AEBP2: variants seen among roughly 807,000 people sequenced by gnomAD.
AEBP2 encodes the protein AE binding protein 2, also known as zinc finger protein AEBP2.
A neutral mutation model predicts 50.8 loss-of-function variants in AEBP2; 10 were observed. The ratio of observed to expected loss-of-function variants is 0.20; its 90% CI spans 0.12 to 0.33. The LOEUF is 0.33. Among genes scored for constraint, AEBP2 ranks in the 10% least tolerant of loss-of-function variants. The pLI, the probability that AEBP2 is intolerant of heterozygous loss-of-function variation, is 1.00. For missense variants in AEBP2, 570 were observed against 688.0 expected, an observed-to-expected ratio of 0.83 and a Z score of 1.92; for synonymous variants, 296 against 261.3, an observed-to-expected ratio of 1.13 and a Z score of -1.28.
chr12:19,485,258 G>A (rs1948789720), intron 3 of AEBP2, among the ~76,000 whole-genome samples: 1 of 152,076 alleles, frequency 6.6e-6, no homozygotes, highest in South Asian at 2.1e-4. Context: ...TATTGGAGAG[G>A]GGAAAGAAAT....
At chr12:19,405,917 T>TCAG (rs1429650300) in intron 1 of AEBP2, among the ~76,000 whole-genome samples, 1 of 151,414 alleles carries the variant, frequency 6.6e-6, no homozygotes, top group Non-Finnish European at 1.5e-5. Flanking sequence ...TTCTCCTGTG[T>TCAG]CAGCCTCCGG....
intron 1 of AEBP2, among the ~76,000 whole-genome samples, chr12:19,426,007 G>A (rs2095748348): frequency 6.6e-6 from 1 of 151,998 alleles, no homozygotes; most frequent in African/African-American, 2.4e-5. Flanking sequence ...CACCATCATG[G>A]CTCACTGCAA....
intron 1 of AEBP2, among the ~76,000 whole-genome samples, chr12:19,446,228 G>A (rs995810459): frequency 6.6e-6 from 1 of 152,100 alleles, no homozygotes; most frequent in African/African-American, 2.4e-5. Context: ...GAAACATGAC[G>A]GTATCTCCTC....
chr12:19,494,627 GTC>G, intron 4 of AEBP2, among the ~76,000 whole-genome samples: 1 of 150,830 alleles, frequency 6.6e-6, no homozygotes, highest in Admixed American at 6.7e-5. Context: ...GTGATTGCCT[GTC>G]TCGGCCTCCC....
chr12:19,454,909 C>T (rs1948240205), intron 1 of AEBP2, among the ~76,000 whole-genome samples: 1 of 152,150 alleles, frequency 6.6e-6, no homozygotes, highest in African/African-American at 2.4e-5. Context: ...TCAAATTCAG[C>T]AGTTAACCTC....
intron 1 of AEBP2, chr12:19,456,348 A>G: frequency 7.1e-7 from 1 of 1,405,920 alleles, no homozygotes. Context: ...TGTCTGTCTC[A>G]TATCATGAAC....
chr12:19,500,353 G>A (rs1366022990), intron 5 of AEBP2, 132 bp downstream of exon 5: 1 of 954,516 alleles, frequency 1.0e-6, no homozygotes, highest in Non-Finnish European at 1.5e-6. Context: ...TGTTTTATCA[G>A]TATTTAAAAC....
At chr12:19,425,112 A>G (rs2095747851) in intron 1 of AEBP2, among the ~76,000 whole-genome samples, 4 of 152,200 alleles carry the variant, frequency 2.6e-5, no homozygotes, top group South Asian at 2.1e-4. Context: ...CTGGCATGCA[A>G]CTTTGCACCA....
At chr12:19,488,194 G>C (rs1006130226) in intron 3 of AEBP2, among the ~76,000 whole-genome samples, 2 of 150,766 alleles carry the variant, frequency 1.3e-5, no homozygotes, top group Non-Finnish European at 2.9e-5. Flanking sequence ...TATAGTCTCA[G>C]CTCACTGCAA....
chr12:19,480,040 G>GT lies in AEBP2; in HGVS notation c.987+6694dup, dbSNP rs113538609. Among the ~76,000 whole-genome samples, 454 of 150,338 alleles carry GT rather than the reference G, an allele frequency of 3.0e-3. 2 individuals are homozygous for GT. Among genetic ancestry groups the GT allele is most frequent in the African/African-American group, 0.01 (413 of 41,014 alleles). On this transcript the variant is annotated intron_variant, in intron 3 of 7. Coordinates refer to ENST00000266508, the MANE Select transcript of AEBP2 (RefSeq NM_153207.5). ...CATGCTTGTTGTTGCCTTAATAGCT[G>GT]TTTTTTTTTCTTCATTGTGTTATTG... is the stretch of plus-strand genomic sequence containing the variant.
At chr12:19,490,075 G>A (rs1219038410) in intron 3 of AEBP2, among the ~76,000 whole-genome samples, 1 of 128,604 alleles carries the variant, frequency 7.8e-6, no homozygotes, top group Non-Finnish European at 1.5e-5. Context: ...TCAAACTCCT[G>A]GGCTCAAGTG....
intron 4 of AEBP2, among the ~76,000 whole-genome samples, chr12:19,499,715 G>T (rs1453160334): frequency 6.6e-6 from 1 of 151,050 alleles, no homozygotes; most frequent in Non-Finnish European, 1.5e-5. Flanking sequence ...AATTTATTTT[G>T]TATGTTTGGC....
intron 1 of AEBP2, among the ~76,000 whole-genome samples, chr12:19,450,692 A>T (rs1948153817): frequency 6.7e-6 from 1 of 149,956 alleles, no homozygotes; most frequent in Non-Finnish European, 1.5e-5. Flanking sequence ...GAAAAAAAAA[A>T]GACAGATGTA....
At chr12:19,439,351 A>G (rs1947896267), upstream of AEBP2, among the ~76,000 whole-genome samples, 1 of 126,018 alleles carries the variant, frequency 7.9e-6, no homozygotes. Context: ...GAAGGCCCCG[A>G]GGAAACGCTG....
intron 2 of AEBP2, among the ~76,000 whole-genome samples, chr12:19,466,219 T>C (rs942863230): frequency 1.3e-5 from 2 of 152,070 alleles, no homozygotes; most frequent in African/African-American, 4.8e-5. Context: ...ATCCCAGCAC[T>C]TTGGAAAGCT....
Position 19,484,250 on chromosome 12 carries a change from A to AT in AEBP2, c.988-9525dup, listed in dbSNP as rs59403434. Among the ~76,000 whole-genome samples the AT allele has an allele frequency of 7.9e-3, 851 of 107,470 alleles. 4 individuals carry two copies. Among genetic ancestry groups the AT allele is most frequent in the African/African-American group, 0.026 (732 of 27,668 alleles). The allele number at this position is 107,470 out of a possible 152,430, so 70.5% of individuals were successfully genotyped here. ...AGGCAGGCACCACAACGCCCAGCCA[A>AT]TTTTTTTTTTTTTTTTTTTTTTTTT... is the stretch of plus-strand genomic sequence containing the variant. On this transcript the variant is annotated intron_variant, in intron 3 of 7. Coordinates refer to ENST00000266508, the MANE Select transcript of AEBP2 (RefSeq NM_153207.5).
rs561058111 is a variant in AEBP2 at position 19,521,913 on chromosome 12, A to G, written c.*3796A>G. 28 of 152,262 alleles carry G rather than the reference A, an allele frequency of 1.8e-4. No homozygotes were observed. Among genetic ancestry groups the G allele is most frequent in the Non-Finnish European group, 2.8e-4 (19 of 67,988 alleles). 9.4% of individuals were successfully genotyped at this position (152,262 alleles called of 1,614,324 possible). ...TCTTTAATCACAACTTAAAAAAAGAAACCTTTAATACCTCTGCATAAGTTC... is the reference window on the plus strand; with the variant it reads ...TCTTTAATCACAACTTAAAAAAAGAGACCTTTAATACCTCTGCATAAGTTC... On this transcript the variant is annotated 3_prime_UTR_variant, in exon 8 of 8. Transcript: ENST00000266508.
rs770664219 is a variant in AEBP2, at chr12:19,484,482, C to T, written c.988-9318C>T. On this transcript the variant is annotated intron_variant, in intron 3 of 7. Transcript: ENST00000266508. ...CTCCGCTTCCCATGTTCAAGTGATT[C>T]TCCTGCCTCAGCCTCCCGAGTAGCT... is the stretch of plus-strand genomic sequence containing the variant. Among the ~76,000 whole-genome samples, 17 of 151,990 alleles carry T rather than the reference C, an allele frequency of 1.1e-4. 1 individual carries two copies. The highest frequency in any genetic ancestry group is 2.1e-4 in the Non-Finnish European group (14 of 67,994).
chr12:19,512,452 A>C lies in AEBP2; in HGVS notation c.1354A>C (p.Met452Leu), dbSNP rs771957594. 1 of 1,574,330 alleles carries C rather than the reference A, an allele frequency of 6.4e-7. No individual in the cohort carries two copies. Among genetic ancestry groups the C allele is most frequent in the South Asian group, 1.2e-5 (1 of 85,542 alleles). Reference sequence around the variant, plus strand: ...GAAGATCAAACTTTTGCTTCATTGGATGCCTGAAGACATGTAAGTATTTGA... The same window carrying C: ...GAAGATCAAACTTTTGCTTCATTGGCTGCCTGAAGACATGTAAGTATTTGA... ...SGKIKLLLHWMPEDILPDVWV... is the reference protein window; with the variant it reads ...SGKIKLLLHWLPEDILPDVWV... The change falls in exon 6 of 8, where the codon ATG becomes CTG. Residue 452 changes from methionine (M) to leucine (L), a missense_variant. By Grantham distance (15) the Met-to-Leu change is conservative. This residue lies in a region of AEBP2 where 184 missense variants were observed against 351.2 expected (regional missense o/e 0.52). Coordinates refer to ENST00000266508, the MANE Select transcript of AEBP2 (RefSeq NM_153207.5).
Sources: gnomAD v4.1 joint callset for allele counts (sites outside exome capture counted in the v4.1 genomes callset) on GRCh38, gnomAD v4.1.1 for gene constraint, gnomAD v4.1.1 regional missense constraint, MANE v1.5 for transcripts, NCBI Gene and HGNC (gene_info 2026-07-23, HGNC 2026-07-21) for gene names.